ZFYVE28: variants seen among roughly 807,000 people sequenced by gnomAD.
ZFYVE28 encodes the protein lateral signaling target protein 2 homolog.
ZFYVE28 carries 40 observed loss-of-function variants against 82.1 expected under a neutral mutation model. The ratio of observed to expected loss-of-function variants is 0.49; its 90% CI spans 0.38 to 0.63. The LOEUF is 0.63. Ranked by LOEUF, ZFYVE28 falls within the 30% of genes least tolerant of loss-of-function variation. The probability of loss-of-function intolerance (pLI) is 0.00; values close to 1 mark genes in which losing one functional copy is unlikely to be tolerated. For synonymous variants in ZFYVE28, 612 were observed against 546.1 expected (o/e 1.12, Z -1.68); for missense variants, 1,321 against 1,242.1 (o/e 1.06, Z -0.96).
At chr4:2,404,983 G>A (rs1479650671) in intron 1 of ZFYVE28, among the ~76,000 whole-genome samples, 1 of 150,002 alleles carries the variant, frequency 6.7e-6, no homozygotes, top group Non-Finnish European at 1.5e-5. Flanking sequence ...CGTCCCCCTT[G>A]GCCACCCAAA....
intron 8 of ZFYVE28, among the ~76,000 whole-genome samples, chr4:2,297,192 C>A (rs887057908): frequency 6.6e-6 from 1 of 152,268 alleles, no homozygotes; most frequent in African/African-American, 2.4e-5. Flanking sequence ...CTCCTCTGGG[C>A]TGCGCACCGG....
At chr4:2,360,966 A>G (rs865878643) in intron 1 of ZFYVE28, among the ~76,000 whole-genome samples, 2 of 152,246 alleles carry the variant, frequency 1.3e-5, no homozygotes, top group South Asian at 2.1e-4. Context: ...CAGTTTTTAA[A>G]TGTCCTTAAA....
rs6833749 is a variant in ZFYVE28, at chr4:2,321,132, A to G, written c.702-861T>C. Among the ~76,000 whole-genome samples the G allele has an allele frequency of 2.2e-3, 341 of 152,174 alleles. 3 individuals are homozygous for G. The highest frequency in any genetic ancestry group is 7.6e-3 in the African/African-American group (317 of 41,538). On this transcript the variant is annotated intron_variant, in intron 6 of 12. Coordinates refer to ENST00000290974, the MANE Select transcript of ZFYVE28 (RefSeq NM_020972.3). ...ACCATGTCTCAGGTGCCTGGGGAGC[A>G]TCCACCCACGAATTCGTCCCCTGTC...
At chr4:2,329,160 CA>C (rs1720308500) in intron 6 of ZFYVE28, 1 of 693,228 alleles carries the variant, frequency 1.4e-6, no homozygotes, top group African/African-American at 1.8e-5. Context: ...ACAAAAAGGC[CA>C]ATGGAGTTTC....
rs538191251 is a variant in ZFYVE28 at position 2,345,372 on chromosome 4, C to T, written c.181-3757G>A. Among the ~76,000 whole-genome samples, 6 of 151,806 alleles carry T rather than the reference C, an allele frequency of 4.0e-5. No homozygotes were observed. The East Asian group carries it at 7.7e-4, about 20-fold the overall frequency. On this transcript the variant is annotated intron_variant, in intron 2 of 12. Coordinates refer to ENST00000290974, the MANE Select transcript of ZFYVE28 (RefSeq NM_020972.3). ...TGTTCAAAAAGTTAACTAGAGACAACGAAGAAACTAAAAGTCCCTAACTGA... is the reference window on the plus strand; with the variant it reads ...TGTTCAAAAAGTTAACTAGAGACAATGAAGAAACTAAAAGTCCCTAACTGA...
At chr4:2,312,347 G>A (rs1023531723) in intron 7 of ZFYVE28, among the ~76,000 whole-genome samples, 6 of 152,096 alleles carry the variant, frequency 3.9e-5, no homozygotes, top group African/African-American at 1.4e-4. Flanking sequence ...AAACCAGCCT[G>A]GGCAACATAG....
intron 8 of ZFYVE28, among the ~76,000 whole-genome samples, chr4:2,302,245 G>C (rs968422220): frequency 6.6e-6 from 1 of 152,202 alleles, no homozygotes; most frequent in Non-Finnish European, 1.5e-5. Flanking sequence ...TTCCCTTTGG[G>C]GGCAGGGGAG....
chr4:2,358,828 G>T (rs545718032), intron 1 of ZFYVE28, among the ~76,000 whole-genome samples: 89 of 152,060 alleles, frequency 5.9e-4, no homozygotes, highest in African/African-American at 1.9e-3. Flanking sequence ...TTGAGACAGG[G>T]TCTTGCTCTA....
chr4:2,318,861 G>A (rs1021487206), intron 7 of ZFYVE28: 13 of 152,494 alleles, frequency 8.5e-5, no homozygotes, highest in African/African-American at 2.9e-4. Context: ...GCCACATGGC[G>A]AGACCCCATC....
At chr4:2,368,118 A>G (rs1027285203) in intron 1 of ZFYVE28, among the ~76,000 whole-genome samples, 7 of 144,180 alleles carry the variant, frequency 4.9e-5, no homozygotes, top group African/African-American at 1.8e-4. Flanking sequence ...GCCAGGCACG[A>G]TGGCACTTTG....
Position 2,380,424 on chromosome 4 carries a change from G to A in ZFYVE28, c.40-26351C>T, listed in dbSNP as rs113206928. 6.9e-3 allele frequency among the ~76,000 whole-genome samples: 1,048 copies of A among 152,342 alleles called. 16 individuals carry two copies. The highest frequency in any genetic ancestry group is 0.024 in the African/African-American group (995 of 41,586). The stretch of plus-strand genomic sequence containing the variant: ...GCCGAGTTATCGGCTAAGAATCATT[G>A]CTTCATGACCAAAAGTCATTCTTAA... On this transcript the variant is annotated intron_variant, in intron 1 of 12. Transcript: ENST00000290974.
intron 1 of ZFYVE28, among the ~76,000 whole-genome samples, chr4:2,391,847 T>C (rs1729875291): frequency 1.3e-5 from 2 of 150,338 alleles, no homozygotes. Context: ...GCGATTCCCC[T>C]GCCTCAGGCT....
At chr4:2,282,152 G>C (rs1712047861) in intron 8 of ZFYVE28, among the ~76,000 whole-genome samples, 1 of 152,338 alleles carries the variant, frequency 6.6e-6, no homozygotes, top group South Asian at 2.1e-4. Flanking sequence ...ATGTCTAAAA[G>C]TCCAGCCACC....
In ZFYVE28 at chr4:2,339,333, C is replaced by T; in HGVS notation, c.521+120G>A. 1 of 1,214,976 alleles carries T rather than the reference C, an allele frequency of 8.2e-7. No individual in the cohort carries two copies. Among genetic ancestry groups the T allele is most frequent in the Admixed American group, 2.3e-5 (1 of 44,284 alleles). 75.3% of individuals were successfully genotyped at this position (1,214,976 alleles called of 1,614,324 possible). On this transcript the variant is annotated intron_variant, in intron 4 of 12. Transcript: ENST00000290974. This position sits in a 1 kb window ranked among gnomAD's most constrained non-coding sequence, Gnocchi z 5.0. ...AACCCCACCCACAGGCGGCCCTGAA[C>T]CTGCCTGGCTCCTCCCTCTGTGGAA...
At chr4:2,291,191 G>A (rs186636390) in intron 8 of ZFYVE28, among the ~76,000 whole-genome samples, 7 of 152,284 alleles carry the variant, frequency 4.6e-5, no homozygotes, top group Admixed American at 2.6e-4. Context: ...AGCTGAGGAC[G>A]GCATCCTGGT....
chr4:2,336,306 C>A (rs1721682208), intron 5 of ZFYVE28, among the ~76,000 whole-genome samples: 1 of 152,160 alleles, frequency 6.6e-6, no homozygotes, highest in South Asian at 2.1e-4. Flanking sequence ...CGTGACTTTT[C>A]AAAATAAAAG....
At position 2,339,815 on chromosome 4, in the gene ZFYVE28, T is replaced by C. The variant is rs1215940602; in HGVS notation, c.319-160A>G. On this transcript the variant is annotated intron_variant, in intron 3 of 12. Transcript: ENST00000290974. The surrounding 1 kb of genome is among the most constrained non-coding windows in gnomAD (Gnocchi z 5.0). ...GTCCCCGCAGGAGGTTTTTCTTACA[T>C]TCAGAGCAATCGTGAGGGCGATAAC... 6.6e-6 allele frequency among the ~76,000 whole-genome samples: 1 copy of C among 151,928 alleles called. No homozygotes were observed. The highest frequency in any genetic ancestry group is 6.6e-5 in the Admixed American group (1 of 15,258).
intron 1 of ZFYVE28, among the ~76,000 whole-genome samples, chr4:2,377,134 G>A (rs2108910363): frequency 6.6e-6 from 1 of 151,794 alleles, no homozygotes; most frequent in African/African-American, 2.4e-5. Flanking sequence ...CCATTCTCCT[G>A]CCTCAGCCTC....
chr4:2,271,190 C>T, intron 12 of ZFYVE28, 121 bp downstream of exon 12: 1 of 1,048,208 alleles, frequency 9.5e-7, no homozygotes, highest in Non-Finnish European at 1.4e-6. Context: ...GGGGCCTCTG[C>T]ACAAGACCCC....
Sources: gnomAD v4.1 joint callset for allele counts (sites outside exome capture counted in the v4.1 genomes callset) on GRCh38, gnomAD v4.1.1 for gene constraint, Gnocchi (gnomAD v3.1) non-coding constraint, MANE v1.5 for transcripts, NCBI Gene and HGNC (gene_info 2026-07-23, HGNC 2026-07-21) for gene names.